PTPRO: variants seen among roughly 807,000 people sequenced by gnomAD.
PTPRO encodes the protein protein tyrosine phosphatase receptor type O.
Under a neutral mutation model 145.2 loss-of-function variants are expected in PTPRO, and 62 were observed. The observed-to-expected ratio is 0.43, with a 90% CI of 0.35 to 0.53. The LOEUF is 0.53. Among genes scored for constraint, PTPRO ranks in the 20% least tolerant of loss-of-function variants. The pLI is 0.01. For missense variants in PTPRO, 1,345 were observed against 1,482.7 expected (o/e 0.91, Z 1.53); for synonymous variants, 565 against 514.7 (o/e 1.10, Z -1.32).
Position 15,548,025 on chromosome 12 carries a change from A to G in PTPRO, c.2305-1069A>G, listed in dbSNP as rs552105120. Among the ~76,000 whole-genome samples the G allele has an allele frequency of 6.6e-5, 10 of 152,330 alleles. No individual in the cohort carries two copies. In the South Asian group the frequency reaches 1.0e-3, roughly 16 times the overall value. ...ATGTTTCTTAGTGCGGATAGTTGCC[A>G]TGTTTTAGTGGATGTTATATAAAAG... On this transcript the variant is annotated intron_variant, in intron 13 of 26. Transcript: ENST00000281171.
At position 15,432,524 on chromosome 12, in the gene PTPRO, T is replaced by C. The variant is rs571844730; in HGVS notation, c.76-51450T>C. 3.0e-4 allele frequency among the ~76,000 whole-genome samples: 45 copies of C among 152,364 alleles called. No individual in the cohort carries two copies. The South Asian group carries it at 9.1e-3, about 31-fold the overall frequency. ...ATTCCTTTGGGTATATACCCAGTAA[T>C]GGGATTGTGGAGTCAAGTGGTAGTT... On this transcript the variant is annotated intron_variant, in intron 1 of 26. Transcript: ENST00000281171.
chr12:15,405,315 G>T (rs1939617081), intron 1 of PTPRO, among the ~76,000 whole-genome samples: 1 of 152,144 alleles, frequency 6.6e-6, no homozygotes. Context: ...CTATCTTGAT[G>T]GTTTCTAATG....
intron 1 of PTPRO, among the ~76,000 whole-genome samples, chr12:15,371,320 C>A (rs1020328669): frequency 1.3e-5 from 2 of 151,628 alleles, no homozygotes; most frequent in African/African-American, 2.4e-5. Flanking sequence ...GCAACCTCTG[C>A]TTCCTGGGTT....
At chr12:15,497,444 C>A (rs758633834) in intron 3 of PTPRO, 41 bp downstream of exon 3, 9 of 1,592,412 alleles carry the variant, frequency 5.7e-6, no homozygotes, top group Non-Finnish European at 7.7e-6. Flanking sequence ...ATGACCCTCA[C>A]TTTTTACAAA....
chr12:15,545,007 G>A (rs1943253386), intron 12 of PTPRO, among the ~76,000 whole-genome samples: 1 of 152,134 alleles, frequency 6.6e-6, no homozygotes, highest in African/African-American at 2.4e-5. Context: ...CTTCTTTTTA[G>A]TTGGACACAA....
At chr12:15,486,417 C>T (rs1020825407) in intron 2 of PTPRO, among the ~76,000 whole-genome samples, 4 of 152,090 alleles carry the variant, frequency 2.6e-5, no homozygotes, top group Admixed American at 6.6e-5. Context: ...TTTCAGCCTA[C>T]TTCTGTCTTT....
At chr12:15,436,039 C>A (rs1238951220) in intron 1 of PTPRO, among the ~76,000 whole-genome samples, 1 of 152,074 alleles carries the variant, frequency 6.6e-6, no homozygotes, top group Non-Finnish European at 1.5e-5. Context: ...GGATACATAA[C>A]GAAATGAAGG....
At chr12:15,541,910 G>T (rs1467503207) in intron 12 of PTPRO, among the ~76,000 whole-genome samples, 1 of 152,072 alleles carries the variant, frequency 6.6e-6, no homozygotes, top group Non-Finnish European at 1.5e-5. Flanking sequence ...TACTCAGGAG[G>T]CTGAGTGGGA....
At position 15,596,245 on chromosome 12, in the gene PTPRO, C is replaced by G. The variant is rs1200065084; in HGVS notation, c.*172C>G. 6.6e-6 allele frequency: 1 copy of G among 152,602 alleles called. No individual in the cohort carries two copies. The highest frequency in any genetic ancestry group is 1.5e-5 in the Non-Finnish European group (1 of 68,046). The allele number at this position is 152,602 out of a possible 1,614,324, so 9.5% of individuals were successfully genotyped here. Reference sequence around the variant, plus strand: ...CCGGGAAGACTTAGCCTTAAAGAGCCTACAGTGTCCTTTTGGACTCTTTCA... The same window carrying G: ...CCGGGAAGACTTAGCCTTAAAGAGCGTACAGTGTCCTTTTGGACTCTTTCA... On this transcript the variant is annotated 3_prime_UTR_variant, in exon 27 of 27. Transcript: ENST00000281171.
intron 12 of PTPRO, among the ~76,000 whole-genome samples, chr12:15,538,141 C>G (rs1435400146): frequency 6.6e-6 from 1 of 152,098 alleles, no homozygotes; most frequent in East Asian, 1.9e-4. Context: ...TGACACTAAC[C>G]AATCCCTCGC....
At chr12:15,464,023 C>T (rs554551444) in intron 1 of PTPRO, among the ~76,000 whole-genome samples, 4 of 152,096 alleles carry the variant, frequency 2.6e-5, no homozygotes, top group Non-Finnish European at 5.9e-5. Flanking sequence ...TAGGTGAGGT[C>T]TCATTTTCTG....
intron 1 of PTPRO, among the ~76,000 whole-genome samples, chr12:15,405,553 C>G (rs955920972): frequency 1.3e-5 from 2 of 152,084 alleles, no homozygotes; most frequent in African/African-American, 4.8e-5. Context: ...TTCTAATTAC[C>G]TATTAGGTAG....
At chr12:15,545,297 A>G (rs1943259473) in intron 12 of PTPRO, among the ~76,000 whole-genome samples, 1 of 151,800 alleles carries the variant, frequency 6.6e-6, no homozygotes, top group South Asian at 2.1e-4. Flanking sequence ...ACAGGCGCAT[A>G]TAGGTGGATG....
chr12:15,382,198 T>C (rs1379208491), intron 1 of PTPRO, among the ~76,000 whole-genome samples: 7 of 150,194 alleles, frequency 4.7e-5, no homozygotes, highest in African/African-American at 1.5e-4. Context: ...ATATATGGGA[T>C]TGCAAAGCCT....
rs146743115 is a variant in PTPRO, at chr12:15,500,814, C to A, written c.662-806C>A. On this transcript the variant is annotated intron_variant, in intron 4 of 26. Transcript: ENST00000281171. ...GCTGGTGCCTGTAATCCCAGCTACT[C>A]GGGAGACTGAGGCAGGAGAACTGCT... is the stretch of plus-strand genomic sequence containing the variant. 3.5e-3 allele frequency among the ~76,000 whole-genome samples: 529 copies of A among 152,122 alleles called. 3 individuals carry two copies. Among genetic ancestry groups the A allele is most frequent in the South Asian group, 8.5e-3 (41 of 4,804 alleles).
rs200206218 is a variant in PTPRO at position 15,503,960 on chromosome 12, A to G, written c.1158A>G (p.Ala386=). 1.8e-5 allele frequency: 29 copies of G among 1,596,134 alleles called. No individual in the cohort carries two copies. Among genetic ancestry groups the G allele is most frequent in the Non-Finnish European group, 2.4e-5 (28 of 1,163,952 alleles). ...ATGAAGAAGCACATGAATTTGTTGCAGAACTGAAGGAACCTGGGAAATATA... is the reference window on the plus strand; with the variant it reads ...ATGAAGAAGCACATGAATTTGTTGCGGAACTGAAGGAACCTGGGAAATATA... ...MVDEEAHEFV[A]ELKEPGKYKL... Residue 386 remains alanine, a synonymous_variant, in exon 6 of 27, where the codon GCA becomes GCG. Coordinates refer to ENST00000281171, the MANE Select transcript of PTPRO (RefSeq NM_030667.3).
chr12:15,341,391 T>C (rs151268733), intron 1 of PTPRO, among the ~76,000 whole-genome samples: 161 of 152,290 alleles, frequency 1.1e-3, no homozygotes, highest in African/African-American at 3.1e-3. Context: ...GCAGGCTATG[T>C]CATACCCCCT....
At chr12:15,360,823 T>C (rs1938159146) in intron 1 of PTPRO, among the ~76,000 whole-genome samples, 1 of 132,690 alleles carries the variant, frequency 7.5e-6, no homozygotes, top group South Asian at 2.5e-4. Context: ...TGTATATATG[T>C]GTGTGTATAT....
intron 2 of PTPRO, among the ~76,000 whole-genome samples, chr12:15,495,000 A>C (rs1942071877): frequency 1.3e-5 from 2 of 152,042 alleles, no homozygotes; most frequent in African/African-American, 4.8e-5. Context: ...AAAGAACTTG[A>C]AGCAGTTCAA....
Sources: gnomAD v4.1 joint callset for allele counts (sites outside exome capture counted in the v4.1 genomes callset) on GRCh38, gnomAD v4.1.1 for gene constraint, MANE v1.5 for transcripts, NCBI Gene and HGNC (gene_info 2026-07-23, HGNC 2026-07-21) for gene names.